NCAM2: variants seen among roughly 807,000 people sequenced by gnomAD.
NCAM2 encodes neural cell adhesion molecule 2, also known as N-CAM-2.
Under a neutral mutation model 98.1 loss-of-function variants are expected in NCAM2, and 30 were observed. The observed-to-expected ratio is 0.31, with a 90% confidence interval of 0.23 to 0.41. NCAM2 has a LOEUF of 0.41. NCAM2 is among the 10% of genes least tolerant of loss of function. The pLI, the probability that NCAM2 is intolerant of heterozygous loss-of-function variation, is 1.00. For synonymous variants in NCAM2, 368 were observed against 342.4 expected (o/e 1.07, Z -0.83); for missense variants, 867 against 1,005.8 (o/e 0.86, Z 1.87).
chr21:21,503,736 A>G (rs778822171), intron 15 of NCAM2, among the ~76,000 whole-genome samples: 4 of 152,000 alleles, frequency 2.6e-5, no homozygotes. Flanking sequence ...AGATATGGGG[A>G]AACAGATTTA....
chr21:21,029,122 C>G (rs2064616865), intron 1 of NCAM2, among the ~76,000 whole-genome samples: 1 of 152,006 alleles, frequency 6.6e-6, no homozygotes, highest in Admixed American at 6.6e-5. Flanking sequence ...AACCCACAAT[C>G]TTTGTTTTAA....
At chr21:21,144,859 T>G (rs1446675190) in intron 1 of NCAM2, among the ~76,000 whole-genome samples, 1 of 152,106 alleles carries the variant, frequency 6.6e-6, no homozygotes, top group East Asian at 1.9e-4. Flanking sequence ...TATAGGAAAA[T>G]GTAGAGAAAC....
chr21:21,338,659 T>A (rs1379583930), intron 8 of NCAM2, 125 bp downstream of exon 8: 1 of 1,030,416 alleles, frequency 9.7e-7, no homozygotes, highest in Non-Finnish European at 1.4e-6. Flanking sequence ...ATGGTTTGAT[T>A]TTTAAAAAGG....
At chr21:21,267,900 A>G (rs1425192648) in intron 1 of NCAM2, among the ~76,000 whole-genome samples, 1 of 152,132 alleles carries the variant, frequency 6.6e-6, no homozygotes, top group Non-Finnish European at 1.5e-5. Context: ...GATATCTCAT[A>G]GATAGACTCT....
chr21:21,224,035 T>C (rs1455760877), intron 1 of NCAM2, among the ~76,000 whole-genome samples: 3 of 152,142 alleles, frequency 2.0e-5, no homozygotes, highest in Non-Finnish European at 4.4e-5. Context: ...ACATTTATTA[T>C]CATTGCGGAG....
At chr21:21,103,743 A>T (rs2066289433) in intron 1 of NCAM2, among the ~76,000 whole-genome samples, 1 of 152,108 alleles carries the variant, frequency 6.6e-6, no homozygotes, top group Non-Finnish European at 1.5e-5. Flanking sequence ...GCTACTATGA[A>T]AGGTAGGCAT....
chr21:21,211,703 T>G (rs2069665641), intron 1 of NCAM2, among the ~76,000 whole-genome samples: 1 of 152,192 alleles, frequency 6.6e-6, no homozygotes, highest in Non-Finnish European at 1.5e-5. Context: ...GTTAGTTTGC[T>G]CTATGCTGTG....
At chr21:21,149,800 T>C (rs1310562439) in intron 1 of NCAM2, among the ~76,000 whole-genome samples, 4 of 152,194 alleles carry the variant, frequency 2.6e-5, no homozygotes, top group African/African-American at 7.2e-5. Context: ...ACATTTTCTT[T>C]ATCCTGTCTA....
At chr21:21,259,513 A>G (rs1406213511) in intron 1 of NCAM2, among the ~76,000 whole-genome samples, 2 of 152,040 alleles carry the variant, frequency 1.3e-5, no homozygotes, top group Non-Finnish European at 2.9e-5. Flanking sequence ...ACCCCTAGTC[A>G]GGGTGGATGG....
At chr21:21,249,879 A>G (rs981701707) in intron 1 of NCAM2, among the ~76,000 whole-genome samples, 3 of 152,178 alleles carry the variant, frequency 2.0e-5, no homozygotes, top group Non-Finnish European at 4.4e-5. Context: ...GTAAAATATG[A>G]CGTCTGATTT....
intron 1 of NCAM2, among the ~76,000 whole-genome samples, chr21:21,115,357 A>G (rs2066533156): frequency 6.6e-6 from 1 of 152,174 alleles, no homozygotes; most frequent in Admixed American, 6.5e-5. Context: ...TTAAATTACC[A>G]TAAAATAGAG....
At chr21:21,099,622 T>A (rs2066197964) in intron 1 of NCAM2, among the ~76,000 whole-genome samples, 1 of 151,864 alleles carries the variant, frequency 6.6e-6, no homozygotes, top group Non-Finnish European at 1.5e-5. Context: ...CTCCCTTCCA[T>A]GACATGTGGG....
Position 21,479,583 on chromosome 21 carries a change from C to CAAAAAAAA in NCAM2, c.2077+2130_2077+2137dup, listed in dbSNP as rs1156588500. On this transcript the variant is annotated intron_variant, in intron 15 of 17. Coordinates refer to ENST00000400546, the MANE Select transcript of NCAM2 (RefSeq NM_004540.5). ...TGGGAGACAGAGCGAGACTGCGTCT[C>CAAAAAAAA]AAAAAAAAAAAAAAAAAAAAAAAAA... Among the ~76,000 whole-genome samples, 190 of 30,956 alleles carry CAAAAAAAA rather than the reference C, an allele frequency of 6.1e-3. 17 individuals carry two copies. Among genetic ancestry groups the CAAAAAAAA allele is most frequent in the Non-Finnish European group, 9.8e-3 (146 of 14,880 alleles). The allele number at this position is 30,956 out of a possible 152,430, so 20.3% of individuals were successfully genotyped here.
intron 8 of NCAM2, among the ~76,000 whole-genome samples, chr21:21,358,578 GA>G (rs1188176966): frequency 1.3e-5 from 2 of 151,916 alleles, no homozygotes; most frequent in Admixed American, 6.6e-5. Context: ...ACTACATATA[GA>G]ATAAGTTACA....
intron 1 of NCAM2, among the ~76,000 whole-genome samples, chr21:21,009,976 T>G (rs2064179397): frequency 6.6e-6 from 1 of 150,508 alleles, no homozygotes; most frequent in African/African-American, 2.4e-5. Context: ...GCATTTAAGT[T>G]TATTGGACGG....
intron 9 of NCAM2, among the ~76,000 whole-genome samples, chr21:21,374,323 T>C (rs1283695812): frequency 1.3e-5 from 2 of 151,896 alleles, no homozygotes; most frequent in African/African-American, 4.8e-5. Context: ...TTGGTCGATA[T>C]CACTTTAGAT....
At chr21:21,055,924 C>T (rs2065201604) in intron 1 of NCAM2, among the ~76,000 whole-genome samples, 1 of 152,078 alleles carries the variant, frequency 6.6e-6, no homozygotes, top group South Asian at 2.1e-4. Context: ...GACACTTACA[C>T]ATCCCTAAAT....
intron 1 of NCAM2, among the ~76,000 whole-genome samples, chr21:21,230,477 A>G (rs913043138): frequency 4.6e-5 from 7 of 151,396 alleles, no homozygotes; most frequent in Non-Finnish European, 1.0e-4. Flanking sequence ...GCCCAAAGAT[A>G]CTAAAGCACT....
intron 1 of NCAM2, among the ~76,000 whole-genome samples, chr21:21,134,306 G>C (rs922560792): frequency 6.6e-6 from 1 of 152,002 alleles, no homozygotes; most frequent in Non-Finnish European, 1.5e-5. Context: ...TCCTGACCTC[G>C]TGATCTGCGC....
Sources: gnomAD v4.1 joint callset for allele counts (sites outside exome capture counted in the v4.1 genomes callset) on GRCh38, gnomAD v4.1.1 for gene constraint, MANE v1.5 for transcripts, NCBI Gene and HGNC (gene_info 2026-07-23, HGNC 2026-07-21) for gene names.